CFAP54: variants seen among roughly 807,000 people sequenced by gnomAD.
CFAP54 encodes cilia and flagella associated protein 54.
A neutral mutation model predicts 370.4 loss-of-function variants in CFAP54; 290 were observed. The ratio of observed to expected loss-of-function variants is 0.78; its 90% CI spans 0.71 to 0.86. The LOEUF (loss-of-function observed/expected upper bound fraction) is 0.86, where lower values mean the gene tolerates loss of function less well. Among genes scored for constraint, CFAP54 ranks in the 40% least tolerant of loss-of-function variants. The pLI is 0.00. For synonymous variants in CFAP54, 1,206 were observed against 1,236.5 expected, an observed-to-expected ratio of 0.98 and a Z score of 0.52; for missense variants, 3,399 against 3,528.7, an observed-to-expected ratio of 0.96 and a Z score of 0.93.
chr12:96,533,867 A>G lies in CFAP54; in HGVS notation c.1433A>G (p.Asp478Gly). 5.2e-6 allele frequency: 8 copies of G among 1,535,366 alleles called. No individual in the cohort carries two copies. Among genetic ancestry groups the G allele is most frequent in the Non-Finnish European group, 7.0e-6 (8 of 1,146,470 alleles). Residue 478 changes from aspartate (D) to glycine (G), a missense_variant, in exon 10 of 68, where the codon GAT becomes GGT. By Grantham distance (94) the Asp-to-Gly change is moderately conservative. Coordinates refer to ENST00000524981, the MANE Select transcript of CFAP54 (RefSeq NM_001306084.2). The part of the protein sequence containing the change: ...SLLELMIGRK[D>G]VISVDAAVKF... ...CTGGAACTTATGATAGGAAGAAAAG[A>G]TGTTATTTCTGTGGATGCTGCTGTG...
intron 5 of CFAP54, among the ~76,000 whole-genome samples, chr12:96,518,617 C>A (rs1955266921): frequency 6.6e-6 from 1 of 152,104 alleles, no homozygotes; most frequent in African/African-American, 2.4e-5. Flanking sequence ...ACCCAGGGGG[C>A]GGAGGTTGCA....
intron 46 of CFAP54, among the ~76,000 whole-genome samples, chr12:96,703,286 A>C (rs748142927): frequency 6.6e-6 from 1 of 152,214 alleles, no homozygotes; most frequent in Non-Finnish European, 1.5e-5. Flanking sequence ...GGTCACCGAT[A>C]TGGGTAACTG....
intron 26 of CFAP54, among the ~76,000 whole-genome samples, chr12:96,612,936 C>CTTA (rs1956375060): frequency 6.6e-6 from 1 of 152,080 alleles, no homozygotes; most frequent in African/African-American, 2.4e-5. Context: ...ACCTTAACAC[C>CTTA]ACACTGTCAA....
chr12:96,861,463 C>T (rs1959878202), intron 67 of CFAP54, among the ~76,000 whole-genome samples: 1 of 152,206 alleles, frequency 6.6e-6, no homozygotes, highest in South Asian at 2.1e-4. Flanking sequence ...AATTAAACCC[C>T]GACATGTGGT....
rs757633627 is a variant in CFAP54 at position 96,650,017 on chromosome 12, A to C, written c.4817A>C (p.Asn1606Thr). The C allele has an allele frequency of 8.7e-6, 14 of 1,613,756 alleles. No individual in the cohort carries two copies. The highest frequency in any genetic ancestry group is 1.1e-5 in the Non-Finnish European group (13 of 1,179,888). The change falls in exon 35 of 68, where the codon AAT (asparagine) becomes ACT (threonine). Residue 1606 changes from asparagine to threonine, a missense_variant. By Grantham distance (65) the Asn-to-Thr change is moderately conservative. Transcript: ENST00000524981. ...SSAKEKDRGA[N>T]LCVMDHFMKI... ...GCTAAAGAAAAGGACCGAGGAGCAA[A>C]TTTGTGTGTAATGGATCATTTTATG...
intron 66 of CFAP54, among the ~76,000 whole-genome samples, chr12:96,858,740 G>A (rs1382165221): frequency 1.3e-5 from 2 of 152,146 alleles, no homozygotes; most frequent in African/African-American, 2.4e-5. Context: ...AAAGAAATCA[G>A]GGAAGACACA....
At chr12:96,711,735 A>T (rs1463846155) in intron 48 of CFAP54, among the ~76,000 whole-genome samples, 1 of 152,188 alleles carries the variant, frequency 6.6e-6, no homozygotes, top group Non-Finnish European at 1.5e-5. Flanking sequence ...AAAACCAATA[A>T]TTTTTACTAA....
rs543234646 is a variant in CFAP54 at position 96,511,664 on chromosome 12, A to G, written c.740-1322A>G. On this transcript the variant is annotated intron_variant, in intron 4 of 67. Transcript: ENST00000524981. ...CATGCCCAACTAATTTTGTATTTTT[A>G]GTAGAGATGGGGTTTCTCCATGTTG... is the stretch of plus-strand genomic sequence containing the variant. Among the ~76,000 whole-genome samples the G allele has an allele frequency of 2.6e-5, 4 of 151,940 alleles. No individual in the cohort carries two copies. In the South Asian group the frequency reaches 8.3e-4, roughly 32 times the overall value.
intron 65 of CFAP54, among the ~76,000 whole-genome samples, chr12:96,820,155 G>A (rs1431954869): frequency 3.9e-5 from 6 of 152,118 alleles, no homozygotes; most frequent in African/African-American, 1.4e-4. Flanking sequence ...CAGAGCAGAG[G>A]AAGCACTTAA....
At chr12:96,862,173 G>A (rs577078872) in intron 67 of CFAP54, among the ~76,000 whole-genome samples, 39 of 152,202 alleles carry the variant, frequency 2.6e-4, no homozygotes, top group African/African-American at 8.7e-4. Context: ...TGGGAAAAGC[G>A]AAGGTAGAAT....
At position 96,718,429 on chromosome 12, in the gene CFAP54, TTG is replaced by T; in HGVS notation, c.6725-10_6725-9del. On this transcript the variant is annotated splice_polypyrimidine_tract_variant and intron_variant, in intron 48 of 67. Coordinates refer to ENST00000524981, the MANE Select transcript of CFAP54 (RefSeq NM_001306084.2). ...AGATATCCTTGGTCCTTCCAAAATT[TTG>T]TGTCTTTATAGAGATATATTCAAAG... The T allele has an allele frequency of 7.5e-7, 1 of 1,330,274 alleles. No individual in the cohort carries two copies. The highest frequency in any genetic ancestry group is 1.1e-6 in the Non-Finnish European group (1 of 929,060). 82.4% of individuals were successfully genotyped at this position (1,330,274 alleles called of 1,614,324 possible). A position where few individuals can be genotyped will look rare whatever the true frequency, so the allele number is the denominator to read the frequency against.
intron 50 of CFAP54, among the ~76,000 whole-genome samples, chr12:96,726,848 T>G (rs1957846481): frequency 6.6e-6 from 1 of 151,814 alleles, no homozygotes; most frequent in African/African-American, 2.4e-5. Flanking sequence ...CTGCTTTGAA[T>G]GTGTCCCAGA....
At chr12:96,540,675 T>A (rs1955560291) in intron 13 of CFAP54, among the ~76,000 whole-genome samples, 162 bp from the exon 14 acceptor site, 1 of 152,258 alleles carries the variant, frequency 6.6e-6, no homozygotes, top group Non-Finnish European at 1.5e-5. Flanking sequence ...TTGAGTTTTA[T>A]GTTATTTATA....
At chr12:96,602,282 A>G (rs1292693779) in intron 26 of CFAP54, among the ~76,000 whole-genome samples, 2 of 152,144 alleles carry the variant, frequency 1.3e-5, no homozygotes, top group East Asian at 1.9e-4. Flanking sequence ...GAGTTTCTTA[A>G]TCCCGAGTTC....
chr12:96,586,496 C>T (rs12830879), intron 22 of CFAP54, among the ~76,000 whole-genome samples: 47,993 of 151,580 alleles, frequency 0.32, 7,748 homozygotes, highest in Non-Finnish European at 0.35. Context: ...TCAAGGAAGG[C>T]GAGATTTAAG....
At chr12:96,495,785 G>T (rs1954946958) in intron 1 of CFAP54, among the ~76,000 whole-genome samples, 1 of 151,460 alleles carries the variant, frequency 6.6e-6, no homozygotes, top group Non-Finnish European at 1.5e-5. Context: ...CTGAACTTAG[G>T]GTTCAACAAA....
chr12:96,534,321 G>A (rs974772369), intron 11 of CFAP54, 94 bp downstream of exon 11: 4 of 746,902 alleles, frequency 5.4e-6, no homozygotes, highest in African/African-American at 5.3e-5. Flanking sequence ...GGCGGAGGGA[G>A]CAAGAGGTAC....
chr12:96,505,246 T>G (rs1416836789), intron 3 of CFAP54, among the ~76,000 whole-genome samples: 23 of 151,894 alleles, frequency 1.5e-4, no homozygotes, highest in Admixed American at 1.4e-3. Flanking sequence ...GTATTTTTAG[T>G]AGAGATGGGG....
At chr12:96,550,590 A>G (rs12321094) in intron 15 of CFAP54, among the ~76,000 whole-genome samples, 55,430 of 152,038 alleles carry the variant, frequency 0.36, 10,765 homozygotes, top group Middle Eastern at 0.42. Context: ...AAATAAAAAA[A>G]TAAATAAAAG....
Sources: gnomAD v4.1 joint callset for allele counts (sites outside exome capture counted in the v4.1 genomes callset) on GRCh38, gnomAD v4.1.1 for gene constraint, MANE v1.5 for transcripts, NCBI Gene and HGNC (gene_info 2026-07-23, HGNC 2026-07-21) for gene names.